Variants in DLC1 observed in about 807,000 individuals in gnomAD.
DLC1 encodes the protein DLC1 Rho GTPase activating protein, also known as rho GTPase-activating protein 7.
A neutral mutation model predicts 140.3 loss-of-function variants in DLC1; 54 were observed. The observed-to-expected ratio is 0.38, with a 90% CI of 0.31 to 0.48. DLC1 has a LOEUF of 0.48. Ranked by LOEUF, DLC1 falls within the 20% of genes least tolerant of loss-of-function variation. The pLI is 0.96. For missense variants in DLC1, 2,536 were observed against 1,907.0 expected (o/e 1.33, Z -6.14); for synonymous variants, 986 against 728.1 (o/e 1.35, Z -5.70).
At chr8:13,596,392 C>T (rs912300339) in intron 1 of DLC1, among the ~76,000 whole-genome samples, 64 of 152,078 alleles carry the variant, frequency 4.2e-4, no homozygotes, top group African/African-American at 1.4e-3. Flanking sequence ...AGACTTCAGC[C>T]TCAAGTGTTT....
intron 4 of DLC1, among the ~76,000 whole-genome samples, chr8:13,336,091 C>A (rs900342420): frequency 6.6e-6 from 1 of 152,078 alleles, no homozygotes; most frequent in African/African-American, 2.4e-5. Context: ...TTTCTAAAGG[C>A]TCATCTTTCT....
chr8:13,252,931 GA>G (rs1236025753), intron 5 of DLC1, among the ~76,000 whole-genome samples: 1 of 152,152 alleles, frequency 6.6e-6, no homozygotes. Flanking sequence ...ACCCAAACAA[GA>G]AAGCTAATCC....
intron 2 of DLC1, among the ~76,000 whole-genome samples, chr8:13,401,878 A>C (rs1383376170): frequency 6.6e-6 from 1 of 152,186 alleles, no homozygotes; most frequent in Non-Finnish European, 1.5e-5. Context: ...AACACCTATG[A>C]GTAATGGCAT....
intron 1 of DLC1, among the ~76,000 whole-genome samples, chr8:13,556,555 G>A (rs1402385298): frequency 6.6e-6 from 1 of 152,078 alleles, no homozygotes; most frequent in East Asian, 1.9e-4. Flanking sequence ...TGCTTCCTGT[G>A]GTCTCCTTTT....
chr8:13,363,180 C>G (rs529650933), intron 4 of DLC1, among the ~76,000 whole-genome samples: 1 of 152,190 alleles, frequency 6.6e-6, no homozygotes. Context: ...GCCCATGGAA[C>G]TAACCTGAAA....
intron 5 of DLC1, among the ~76,000 whole-genome samples, chr8:13,137,649 T>C (rs971880123): frequency 6.7e-6 from 1 of 149,488 alleles, no homozygotes; most frequent in Non-Finnish European, 1.5e-5. Flanking sequence ...TCACCCAGAC[T>C]GGAGTGCAGT....
At chr8:13,175,755 A>C (rs959390989) in intron 5 of DLC1, among the ~76,000 whole-genome samples, 5 of 152,268 alleles carry the variant, frequency 3.3e-5, no homozygotes, top group Non-Finnish European at 7.3e-5. Flanking sequence ...AGATAATTCT[A>C]TGACATGCTT....
chr8:13,359,673 C>A (rs148262660), intron 4 of DLC1, among the ~76,000 whole-genome samples: 3 of 152,186 alleles, frequency 2.0e-5, no homozygotes, highest in East Asian at 3.9e-4. Context: ...AGAAATCTTG[C>A]AAAATCATTT....
At chr8:13,318,176 C>G (rs1043051616) in intron 4 of DLC1, among the ~76,000 whole-genome samples, 2 of 151,580 alleles carry the variant, frequency 1.3e-5, no homozygotes, top group Non-Finnish European at 2.9e-5. Context: ...TAGCATGCAC[C>G]ACTACACTCA....
chr8:13,511,420 C>G (rs7006561), intron 1 of DLC1, among the ~76,000 whole-genome samples: 11,917 of 152,062 alleles, frequency 0.078, 667 homozygotes, highest in East Asian at 0.17. Context: ...TTAACTGGGC[C>G]TCAAGGTCCT....
chr8:13,369,512 C>T (rs575390226), intron 4 of DLC1, among the ~76,000 whole-genome samples: 2 of 152,254 alleles, frequency 1.3e-5, no homozygotes, highest in African/African-American at 2.4e-5. Flanking sequence ...TTTTTGGGCA[C>T]TCCAATTCAG....
At chr8:13,562,161 A>T (rs1481008387) in intron 1 of DLC1, among the ~76,000 whole-genome samples, 1 of 152,172 alleles carries the variant, frequency 6.6e-6, no homozygotes, top group Non-Finnish European at 1.5e-5. Flanking sequence ...TAAATAAAAA[A>T]TAACTAACAA....
intron 5 of DLC1, among the ~76,000 whole-genome samples, chr8:13,261,445 G>A (rs1031147753): frequency 5.9e-5 from 9 of 152,164 alleles, no homozygotes; most frequent in African/African-American, 2.2e-4. Context: ...TTTATTGTGT[G>A]AGGGAAAGAT....
chr8:13,448,883 CA>C (rs1427371495), intron 2 of DLC1, among the ~76,000 whole-genome samples: 4 of 150,550 alleles, frequency 2.7e-5, no homozygotes, highest in African/African-American at 9.7e-5. Flanking sequence ...GATTTCACAG[CA>C]AGGAAACACC....
chr8:13,566,024 C>A (rs577060376), intron 1 of DLC1, among the ~76,000 whole-genome samples: 1 of 152,204 alleles, frequency 6.6e-6, no homozygotes, highest in Non-Finnish European at 1.5e-5. Flanking sequence ...CATAGCCATT[C>A]ACTCAACAGA....
chr8:13,528,564 C>A (rs73559540), intron 1 of DLC1, among the ~76,000 whole-genome samples: 3,090 of 152,110 alleles, frequency 0.02, 127 homozygotes, highest in African/African-American at 0.07. Context: ...TAAAATATAA[C>A]AGAATTTCCT....
chr8:13,455,253 A>G (rs1784506739), intron 2 of DLC1, among the ~76,000 whole-genome samples: 2 of 152,320 alleles, frequency 1.3e-5, no homozygotes, highest in South Asian at 4.1e-4. Context: ...GTACAGATGC[A>G]CACAATTGTA....
chr8:13,096,436 G>A (rs1290773218), intron 10 of DLC1, among the ~76,000 whole-genome samples: 1 of 152,100 alleles, frequency 6.6e-6, no homozygotes, highest in Non-Finnish European at 1.5e-5. Context: ...TATAGCTCCA[G>A]GAAAGGTAAA....
intron 2 of DLC1, among the ~76,000 whole-genome samples, chr8:13,455,701 A>C (rs1353425752): frequency 6.6e-6 from 1 of 152,144 alleles, no homozygotes; most frequent in African/African-American, 2.4e-5. Flanking sequence ...TTGTCATTTC[A>C]GTCAAGTTGC....
Sources: allele counts gnomAD v4.1 joint callset (sites outside exome capture counted in the v4.1 genomes callset), GRCh38; gene constraint gnomAD v4.1.1; transcripts MANE v1.5; gene names NCBI Gene and HGNC (gene_info 2026-07-23, HGNC 2026-07-21).